Variants in FARS2 observed in about 807,000 individuals in gnomAD.
The protein encoded by FARS2 is phenylalanine--tRNA ligase, mitochondrial.
FARS2 carries 40 observed loss-of-function variants against 46.4 expected under a neutral mutation model. The observed-to-expected ratio is 0.86, with a 90% CI of 0.67 to 1.12. The LOEUF (loss-of-function observed/expected upper bound fraction) is 1.12, where lower values mean the gene tolerates loss of function less well. Among genes scored for constraint, FARS2 ranks in the 50% most tolerant of loss-of-function variants. The probability of loss-of-function intolerance (pLI) is 0.00; values close to 1 mark genes in which losing one functional copy is unlikely to be tolerated. For missense variants in FARS2, 513 were observed against 567.9 expected (o/e 0.90, Z 0.98); for synonymous variants, 234 against 214.9 (o/e 1.09, Z -0.78).
intron 4 of FARS2, among the ~76,000 whole-genome samples, chr6:5,474,609 T>A (rs1265732856): frequency 6.6e-6 from 1 of 152,074 alleles, no homozygotes; most frequent in Non-Finnish European, 1.5e-5. Flanking sequence ...CGGTACATTT[T>A]TGTATATCTG....
chr6:5,452,688 A>G (rs1764569958), intron 4 of FARS2: 1 of 152,128 alleles, frequency 6.6e-6, no homozygotes, highest in African/African-American at 2.4e-5. Flanking sequence ...CAAAACCTTC[A>G]CTTCTGGACT....
chr6:5,622,110 C>T (rs1332528725), intron 6 of FARS2, among the ~76,000 whole-genome samples: 2 of 152,180 alleles, frequency 1.3e-5, no homozygotes, highest in East Asian at 3.9e-4. Context: ...GCTGGGCCAC[C>T]TGCACATGGA....
At chr6:5,420,732 G>A (rs539400951) in intron 3 of FARS2, among the ~76,000 whole-genome samples, 2 of 152,292 alleles carry the variant, frequency 1.3e-5, no homozygotes, top group Non-Finnish European at 2.9e-5. Context: ...CCATAGGCTG[G>A]TGTTGAGTGT....
intron 4 of FARS2, among the ~76,000 whole-genome samples, chr6:5,440,742 C>A (rs769521618): frequency 7.9e-5 from 12 of 151,542 alleles, no homozygotes; most frequent in Non-Finnish European, 1.5e-5. Flanking sequence ...CCAGGCTGGA[C>A]TTGAGCTCCT....
intron 6 of FARS2, among the ~76,000 whole-genome samples, chr6:5,698,613 A>G (rs1429365528): frequency 6.6e-6 from 1 of 152,164 alleles, no homozygotes; most frequent in Non-Finnish European, 1.5e-5. Context: ...AAGATCTTCA[A>G]GCAATGTCCC....
At chr6:5,655,847 G>A (rs1777582321) in intron 6 of FARS2, among the ~76,000 whole-genome samples, 1 of 152,276 alleles carries the variant, frequency 6.6e-6, no homozygotes, top group South Asian at 2.1e-4. Flanking sequence ...AAACTCAGCT[G>A]GTTGTTTCCT....
intron 5 of FARS2, chr6:5,610,218 A>G (rs1775094529): frequency 3.5e-6 from 2 of 567,218 alleles, no homozygotes; most frequent in Admixed American, 5.9e-5. Context: ...GAGAAGAGAG[A>G]CTTTAATGAT....
chr6:5,367,942 T>C (rs1263825931), intron 1 of FARS2, among the ~76,000 whole-genome samples: 2 of 152,226 alleles, frequency 1.3e-5, no homozygotes, highest in Non-Finnish European at 2.9e-5. Flanking sequence ...GTGGTGTATT[T>C]TGTTTAAAAC....
intron 4 of FARS2, among the ~76,000 whole-genome samples, chr6:5,497,167 G>A (rs1216003810): frequency 6.6e-6 from 1 of 152,118 alleles, no homozygotes; most frequent in Non-Finnish European, 1.5e-5. Context: ...TTATAAGAAT[G>A]GTAGCATCGT....
At chr6:5,264,934 T>C (rs1765450369) in intron 1 of FARS2, among the ~76,000 whole-genome samples, 2 of 151,834 alleles carry the variant, frequency 1.3e-5, no homozygotes, top group African/African-American at 4.8e-5. Flanking sequence ...GCTAGGCCTA[T>C]AGGCTCATGC....
intron 3 of FARS2, among the ~76,000 whole-genome samples, chr6:5,405,289 G>A (rs73350569): frequency 0.12 from 17,642 of 152,046 alleles, 1,526 homozygotes; most frequent in African/African-American, 0.23. Context: ...GTTCAGGTAC[G>A]AAATGTTTCA....
chr6:5,500,136 A>G (rs969433162), intron 4 of FARS2, among the ~76,000 whole-genome samples: 2 of 152,108 alleles, frequency 1.3e-5, no homozygotes, highest in Non-Finnish European at 2.9e-5. Context: ...TAAGAAGTCT[A>G]TTGGGTATCT....
chr6:5,323,817 T>C (rs1197766486), intron 1 of FARS2, among the ~76,000 whole-genome samples: 2 of 152,180 alleles, frequency 1.3e-5, no homozygotes, highest in Non-Finnish European at 2.9e-5. Flanking sequence ...AGAAACCGCC[T>C]AAATCCAAAG....
At position 5,700,419 on chromosome 6, in the gene FARS2, T is replaced by G. The variant is rs28642339; in HGVS notation, c.1218-70872T>G. 3.7e-3 allele frequency among the ~76,000 whole-genome samples: 557 copies of G among 152,276 alleles called. 3 individuals carry two copies. Among genetic ancestry groups the G allele is most frequent in the African/African-American group, 0.013 (525 of 41,540 alleles). ...CAGTAGCAGTGGCAATTTCTTTTTT[T>G]TTTTTGAGATGAAGTCTTGCGCTGT... On this transcript the variant is annotated intron_variant, in intron 6 of 6. Coordinates refer to ENST00000274680, the MANE Select transcript of FARS2 (RefSeq NM_006567.5).
chr6:5,476,975 T>G (rs1356422975), intron 4 of FARS2, among the ~76,000 whole-genome samples: 2 of 152,206 alleles, frequency 1.3e-5, no homozygotes, highest in Admixed American at 1.3e-4. Flanking sequence ...TAGTTGAGAA[T>G]GTAGAAATGA....
At chr6:5,690,745 C>G (rs1373613353) in intron 6 of FARS2, among the ~76,000 whole-genome samples, 2 of 152,188 alleles carry the variant, frequency 1.3e-5, no homozygotes, top group Admixed American at 6.5e-5. Flanking sequence ...ATGTTGGCCT[C>G]CCTTGCTAGA....
At chr6:5,327,514 A>G (rs942252323) in intron 1 of FARS2, among the ~76,000 whole-genome samples, 9 of 152,070 alleles carry the variant, frequency 5.9e-5, no homozygotes, top group African/African-American at 2.2e-4. Flanking sequence ...ATGAAATCTG[A>G]TGGTTTTATA....
chr6:5,537,287 A>G (rs1266118394), intron 4 of FARS2, among the ~76,000 whole-genome samples: 1 of 152,364 alleles, frequency 6.6e-6, no homozygotes, highest in Non-Finnish European at 1.5e-5. Flanking sequence ...TGCCTTCCAC[A>G]GACAGCACAG....
At chr6:5,672,976 G>T (rs1778557052) in intron 6 of FARS2, among the ~76,000 whole-genome samples, 1 of 152,154 alleles carries the variant, frequency 6.6e-6, no homozygotes, top group Non-Finnish European at 1.5e-5. Context: ...GGGAAGGTAG[G>T]AGTAATTAAC....
Sources: allele counts gnomAD v4.1 joint callset (sites outside exome capture counted in the v4.1 genomes callset), GRCh38; gene constraint gnomAD v4.1.1; transcripts MANE v1.5; gene names NCBI Gene and HGNC (gene_info 2026-07-23, HGNC 2026-07-21).